EML4: variants seen among roughly 807,000 people sequenced by gnomAD.
EML4 encodes the protein EMAP like 4, also known as echinoderm microtubule-associated protein-like 4.
EML4 carries 72 observed loss-of-function variants against 129.0 expected under a neutral mutation model. That is an observed-to-expected ratio of 0.56 (90% CI 0.46 to 0.68). The LOEUF (loss-of-function observed/expected upper bound fraction) is 0.68, where lower values mean the gene tolerates loss of function less well. Among genes scored for constraint, EML4 ranks in the 30% least tolerant of loss-of-function variants. The probability of loss-of-function intolerance (pLI) is 0.00; values close to 1 mark genes in which losing one functional copy is unlikely to be tolerated. For synonymous variants in EML4, 532 were observed against 405.0 expected (o/e 1.31, Z -3.77); for missense variants, 1,363 against 1,190.6 (o/e 1.14, Z -2.13).
At chr2:42,206,590 CTT>C (rs963311579) in intron 1 of EML4, among the ~76,000 whole-genome samples, 17 of 152,092 alleles carry the variant, frequency 1.1e-4, no homozygotes, top group African/African-American at 4.1e-4. Context: ...GTTCGTGAGC[CTT>C]TTTTGTTCCT....
chr2:42,241,856 G>T (rs1219522843), intron 1 of EML4, among the ~76,000 whole-genome samples: 2 of 144,008 alleles, frequency 1.4e-5, no homozygotes, highest in African/African-American at 5.6e-5. Flanking sequence ...TATAGATTGT[G>T]TGTGTATGTG....
chr2:42,212,089 G>A (rs574804784), intron 1 of EML4, among the ~76,000 whole-genome samples: 1 of 152,160 alleles, frequency 6.6e-6, no homozygotes, highest in East Asian at 1.9e-4. Flanking sequence ...CAGGTGATCT[G>A]CCTGCCTCAG....
rs1364190765 is a variant in EML4, at chr2:42,245,498, T to G, written c.26-7T>G. 9 of 1,589,084 alleles carry G rather than the reference T, an allele frequency of 5.7e-6. No individual in the cohort carries two copies. The highest frequency in any genetic ancestry group is 2.3e-5 in the East Asian group (1 of 42,932). On this transcript the variant is annotated splice_region_variant and splice_polypyrimidine_tract_variant and intron_variant, in intron 1 of 22. Transcript: ENST00000318522. ...AAAAATATTCCATATTTTATTTTAT[T>G]TTATAGATGATAGTATTTCTGCTGC...
intron 1 of EML4, among the ~76,000 whole-genome samples, chr2:42,244,462 G>A (rs1022443246): frequency 1.3e-5 from 2 of 152,162 alleles, no homozygotes; most frequent in South Asian, 4.1e-4. Flanking sequence ...ATAGTCTAAA[G>A]TTACATAACT....
At chr2:42,264,962 G>A (rs1321173029) in intron 6 of EML4, 1 of 1,549,478 alleles carries the variant, frequency 6.5e-7, no homozygotes, top group Non-Finnish European at 8.7e-7. Context: ...GTAAGAATAA[G>A]CTACGCAGTT....
At position 42,252,796 on chromosome 2, in the gene EML4, T is replaced by C. The variant is rs1675869499; in HGVS notation, c.209-3705T>C. ...TCTTATTCTTTAAGGCCTTATTCTGTGTTTTTTCAAGGAAGCCTTTCTTGA... is the reference window on the plus strand; with the variant it reads ...TCTTATTCTTTAAGGCCTTATTCTGCGTTTTTTCAAGGAAGCCTTTCTTGA... On this transcript the variant is annotated intron_variant, in intron 2 of 22. Coordinates refer to ENST00000318522, the MANE Select transcript of EML4 (RefSeq NM_019063.5). Among the ~76,000 whole-genome samples, 3 of 152,330 alleles carry C rather than the reference T, an allele frequency of 2.0e-5. No homozygotes were observed. In the South Asian group the frequency reaches 6.2e-4, roughly 32 times the overall value.
At chr2:42,195,345 G>A (rs1671836685) in intron 1 of EML4, among the ~76,000 whole-genome samples, 1 of 152,140 alleles carries the variant, frequency 6.6e-6, no homozygotes, top group South Asian at 2.1e-4. Context: ...GGTATTCATA[G>A]TATTATAATG....
chr2:42,263,242 A>G lies in EML4; in HGVS notation c.577A>G (p.Asn193Asp), dbSNP rs1264157400. ...TTGGGAAAATTCAGATGATAGCCGT[A>G]ATAAATTGTCGAAAATACCTTCAAC... Reference protein sequence around the residue: ...NSWENSDDSRNKLSKIPSTPK... With the variant: ...NSWENSDDSRDKLSKIPSTPK... The change falls in exon 5 of 23, where the codon AAT becomes GAT. Residue 193 changes from asparagine (N) to aspartate (D), a missense_variant. Asn to Asp is a conservative substitution (Grantham distance 23). Transcript: ENST00000318522. The G allele has an allele frequency of 4.3e-6, 7 of 1,613,430 alleles. No homozygotes were observed. Among genetic ancestry groups the G allele is most frequent in the Admixed American group, 3.3e-5 (2 of 59,964 alleles).
chr2:42,228,064 A>G (rs546143092), intron 1 of EML4, among the ~76,000 whole-genome samples: 2 of 152,254 alleles, frequency 1.3e-5, no homozygotes, highest in South Asian at 2.1e-4. Flanking sequence ...TACAAAAAAT[A>G]CAAAAAATTA....
intron 1 of EML4, among the ~76,000 whole-genome samples, chr2:42,225,889 T>G (rs772664645): frequency 6.6e-6 from 1 of 152,176 alleles, no homozygotes; most frequent in Non-Finnish European, 1.5e-5. Flanking sequence ...AAGTTGAATT[T>G]ATGTCCTTGG....
intron 1 of EML4, among the ~76,000 whole-genome samples, chr2:42,225,641 T>C (rs78659698): frequency 0.12 from 18,638 of 152,154 alleles, 1,256 homozygotes; most frequent in Middle Eastern, 0.23. Flanking sequence ...TCCAAGGATG[T>C]GTGAAATAGT....
At position 42,221,544 on chromosome 2, in the gene EML4, G is replaced by A. The variant is rs200336815; in HGVS notation, c.26-23961G>A. ...CCCACCTGAGCCTCCTGAGTAGCTG[G>A]GACTGTAAGCACACCCAACCATGCC... is the stretch of plus-strand genomic sequence containing the variant. On this transcript the variant is annotated intron_variant, in intron 1 of 22. Transcript: ENST00000318522. Among the ~76,000 whole-genome samples, 7 of 151,286 alleles carry A rather than the reference G, an allele frequency of 4.6e-5. No homozygotes were observed. In the East Asian group the frequency reaches 1.4e-3, roughly 30 times the overall value.
intron 1 of EML4, among the ~76,000 whole-genome samples, chr2:42,181,568 T>G (rs942144829): frequency 6.6e-6 from 1 of 152,216 alleles, no homozygotes; most frequent in Non-Finnish European, 1.5e-5. Flanking sequence ...AGTGCTGGGA[T>G]TACAGGTGTG....
At chr2:42,328,388 A>G (rs1261171277) in intron 21 of EML4, among the ~76,000 whole-genome samples, 1 of 152,242 alleles carries the variant, frequency 6.6e-6, no homozygotes, top group Non-Finnish European at 1.5e-5. Context: ...ATAGCATGCT[A>G]AACTAGTGGA....
At chr2:42,234,418 C>T (rs1481618988) in intron 1 of EML4, among the ~76,000 whole-genome samples, 2 of 152,164 alleles carry the variant, frequency 1.3e-5, no homozygotes, top group Non-Finnish European at 2.9e-5. Flanking sequence ...TGCCTTGTCT[C>T]GCTTCAGTGT....
At chr2:42,197,070 T>G (rs931796925) in intron 1 of EML4, among the ~76,000 whole-genome samples, 1 of 152,176 alleles carries the variant, frequency 6.6e-6, no homozygotes, top group African/African-American at 2.4e-5. Flanking sequence ...AAGTAAATTG[T>G]GTCTTTATTT....
chr2:42,327,637 A>G (rs1251231519), intron 21 of EML4, among the ~76,000 whole-genome samples: 1 of 152,214 alleles, frequency 6.6e-6, no homozygotes, highest in Non-Finnish European at 1.5e-5. Flanking sequence ...ACTTTCTGGA[A>G]ATCCGACCTC....
chr2:42,319,196 A>G (rs995021052), intron 19 of EML4, among the ~76,000 whole-genome samples: 7 of 152,188 alleles, frequency 4.6e-5, no homozygotes, highest in Non-Finnish European at 7.3e-5. Context: ...CTTGAACACA[A>G]TTCTACTAAC....
At chr2:42,256,382 A>G (rs937598250) in intron 2 of EML4, 119 bp from the exon 3 acceptor site, 4 of 944,436 alleles carry the variant, frequency 4.2e-6, no homozygotes, top group Non-Finnish European at 6.2e-6. Context: ...GTTATAAACA[A>G]TAATATACTT....
Sources: gnomAD v4.1 joint callset for allele counts (sites outside exome capture counted in the v4.1 genomes callset) on GRCh38, gnomAD v4.1.1 for gene constraint, MANE v1.5 for transcripts, NCBI Gene and HGNC (gene_info 2026-07-23, HGNC 2026-07-21) for gene names.